NBEAL1: variants seen among roughly 807,000 people sequenced by gnomAD.
The protein encoded by NBEAL1 is neurobeachin-like protein 1.
NBEAL1 carries 273 observed loss-of-function variants against 351.3 expected under a neutral mutation model. The observed-to-expected ratio is 0.78, with a 90% CI of 0.70 to 0.86. The LOEUF is 0.86. Ranked by LOEUF, NBEAL1 falls within the 40% of genes least tolerant of loss-of-function variation. The pLI is 0.00. For missense variants in NBEAL1, 2,961 were observed against 3,201.3 expected, an observed-to-expected ratio of 0.92 and a Z score of 1.81; for synonymous variants, 1,050 against 1,086.4, an observed-to-expected ratio of 0.97 and a Z score of 0.66.
chr2:203,048,447 T>C (rs376547546), intron 3 of NBEAL1, among the ~76,000 whole-genome samples: 6 of 151,774 alleles, frequency 4.0e-5, no homozygotes, highest in East Asian at 1.9e-4. Flanking sequence ...CCAGAGATGA[T>C]AGGGTTTTAT....
At chr2:203,217,106 C>G in intron 55 of NBEAL1, 147 bp from the exon 56 acceptor site, 1 of 514,354 alleles carries the variant, frequency 1.9e-6, no homozygotes. Context: ...ACCTGGCCGT[C>G]TTTCTCTATT....
chr2:203,093,696 A>G (rs1490031082), intron 10 of NBEAL1, among the ~76,000 whole-genome samples: 2 of 152,086 alleles, frequency 1.3e-5, no homozygotes, highest in Non-Finnish European at 2.9e-5. Flanking sequence ...TCTACTAAAA[A>G]TACAAAAATT....
chr2:203,202,724 A>G lies in NBEAL1; in HGVS notation c.7449A>G (p.Ile2483Met). 1.4e-5 allele frequency: 23 copies of G among 1,602,084 alleles called. No individual in the cohort carries two copies. The highest frequency in any genetic ancestry group is 2.0e-5 in the Non-Finnish European group (23 of 1,169,376). ...GCTTAGCTACAGATTACTGTGGAAT[A>G]CATTTGATTTCTGGTTCCAGAGATA... Reference protein sequence around the residue: ...VTCLATDYCGIHLISGSRDTT... With the variant: ...VTCLATDYCGMHLISGSRDTT... The change falls in exon 51 of 56, where the codon ATA (isoleucine) becomes ATG (methionine). Residue 2483 changes from isoleucine (I) to methionine (M), a missense_variant. Coordinates refer to ENST00000683969, the MANE Select transcript of NBEAL1 (RefSeq NM_001378026.1).
chr2:203,131,249 T>C (rs1036820005), intron 25 of NBEAL1, among the ~76,000 whole-genome samples: 1 of 152,240 alleles, frequency 6.6e-6, no homozygotes, highest in Non-Finnish European at 1.5e-5. Context: ...GGAGTCTCGC[T>C]CTGTCGCCTA....
chr2:203,073,278 T>C (rs1313089897), intron 7 of NBEAL1, among the ~76,000 whole-genome samples: 1 of 152,228 alleles, frequency 6.6e-6, no homozygotes, highest in Non-Finnish European at 1.5e-5. Flanking sequence ...TCTTCTTGTG[T>C]TAGTTTTTAT....
intron 42 of NBEAL1, among the ~76,000 whole-genome samples, chr2:203,178,158 T>G (rs1410919809): frequency 6.6e-6 from 1 of 151,468 alleles, no homozygotes; most frequent in Non-Finnish European, 1.5e-5. Flanking sequence ...CCTTTTTTTT[T>G]TCTTTTTTCT....
chr2:203,095,170 G>A (rs377540173), intron 10 of NBEAL1, among the ~76,000 whole-genome samples: 1 of 152,130 alleles, frequency 6.6e-6, no homozygotes, highest in Non-Finnish European at 1.5e-5. Context: ...ATCTTTAGTA[G>A]CAAGGAGAAG....
At chr2:203,104,693 C>T (rs2062395812) in intron 12 of NBEAL1, among the ~76,000 whole-genome samples, 1 of 152,038 alleles carries the variant, frequency 6.6e-6, no homozygotes, top group South Asian at 2.1e-4. Flanking sequence ...AATGGTCTTT[C>T]CTTTCCATAT....
intron 38 of NBEAL1, among the ~76,000 whole-genome samples, chr2:203,169,125 G>A (rs1559032737): frequency 1.3e-5 from 2 of 151,752 alleles, no homozygotes; most frequent in Admixed American, 6.6e-5. Context: ...TAATATTTCC[G>A]TTATACATGA....
At chr2:203,170,882 G>C (rs1422997241) in intron 39 of NBEAL1, among the ~76,000 whole-genome samples, 1 of 152,128 alleles carries the variant, frequency 6.6e-6, no homozygotes, top group Non-Finnish European at 1.5e-5. Context: ...TAGTTGGATA[G>C]TTTTAATATA....
Position 203,062,349 on chromosome 2 carries a change from C to T in NBEAL1, c.515+4896C>T, listed in dbSNP as rs1367715091. 2.0e-6 allele frequency: 1 copy of T among 490,954 alleles called. No individual in the cohort carries two copies. The allele number at this position is 490,954 out of a possible 1,614,324, so 30.4% of individuals were successfully genotyped here. ...TTCTTCTGGGAAAAATCCAGCAACG[C>T]CCACTCCTGAGGGGTGAAGGTTACA... On this transcript the variant is annotated intron_variant, in intron 6 of 55. Transcript: ENST00000683969. The surrounding 1 kb of genome is among the most constrained non-coding windows in gnomAD (Gnocchi z 4.2).
rs531983665 is a variant in NBEAL1, at chr2:203,042,630, C to T, written c.143+774C>T. On this transcript the variant is annotated intron_variant, in intron 3 of 55. Coordinates refer to ENST00000683969, the MANE Select transcript of NBEAL1 (RefSeq NM_001378026.1). ...TTTTTGAAATGGAGTATTGCTCTGTCGACAGGCTGTGCAGTGGCACGATCT... is the reference window on the plus strand; with the variant it reads ...TTTTTGAAATGGAGTATTGCTCTGTTGACAGGCTGTGCAGTGGCACGATCT... Among the ~76,000 whole-genome samples the T allele has an allele frequency of 9.5e-5, 14 of 147,192 alleles. No individual in the cohort carries two copies. The South Asian group carries it at 1.9e-3, about 20-fold the overall frequency.
intron 42 of NBEAL1, among the ~76,000 whole-genome samples, chr2:203,179,174 G>A (rs1445396340): frequency 6.6e-6 from 1 of 152,056 alleles, no homozygotes. Context: ...ATAAATCCAG[G>A]AAAACAATAT....
At chr2:203,173,990 A>G (rs965766157) in intron 41 of NBEAL1, among the ~76,000 whole-genome samples, 1 of 152,020 alleles carries the variant, frequency 6.6e-6, no homozygotes, top group Non-Finnish European at 1.5e-5. Context: ...AGATGTCACC[A>G]TTCAGACCAA....
chr2:203,094,690 C>G (rs918385411), intron 10 of NBEAL1, among the ~76,000 whole-genome samples: 12 of 152,118 alleles, frequency 7.9e-5, no homozygotes, highest in Admixed American at 4.6e-4. Flanking sequence ...CTTTACAATT[C>G]CATGGAATCA....
At position 203,121,686 on chromosome 2, in the gene NBEAL1, G is replaced by A. The variant is rs528404768; in HGVS notation, c.2593-568G>A. On this transcript the variant is annotated intron_variant, in intron 18 of 55. Transcript: ENST00000683969. ...AAAAAAAAACATCACTGTGGCTGGC[G>A]AACAAGTTCTGCCTATAGCTCATCT... Among the ~76,000 whole-genome samples the A allele has an allele frequency of 4.8e-4, 72 of 151,454 alleles. 1 individual carries two copies. Among genetic ancestry groups the A allele is most frequent in the South Asian group, 3.3e-3 (16 of 4,786 alleles).
chr2:203,100,036 G>A (rs1393411021), intron 12 of NBEAL1, among the ~76,000 whole-genome samples: 1 of 152,066 alleles, frequency 6.6e-6, no homozygotes, highest in African/African-American at 2.4e-5. Context: ...CTAGAATAAT[G>A]GCCTCCAGCT....
At chr2:203,170,732 T>G (rs1028343827) in intron 39 of NBEAL1, among the ~76,000 whole-genome samples, 20 of 152,200 alleles carry the variant, frequency 1.3e-4, no homozygotes, top group African/African-American at 4.6e-4. Context: ...GAAAAAAGTT[T>G]TATTTAATAA....
chr2:203,201,426 A>G, intron 49 of NBEAL1, 117 bp from the exon 50 acceptor site: 1 of 775,400 alleles, frequency 1.3e-6, no homozygotes, highest in South Asian at 4.6e-5. Flanking sequence ...TAGACATTTC[A>G]AATAGGACAT....
Sources: gnomAD v4.1 joint callset for allele counts (sites outside exome capture counted in the v4.1 genomes callset) on GRCh38, gnomAD v4.1.1 for gene constraint, Gnocchi (gnomAD v3.1) non-coding constraint, MANE v1.5 for transcripts, NCBI Gene and HGNC (gene_info 2026-07-23, HGNC 2026-07-21) for gene names.